ANK1: variants seen among roughly 807,000 people sequenced by gnomAD.
The protein encoded by ANK1 is ankyrin 1, also known as ankyrin-1.
A neutral mutation model predicts 210.4 loss-of-function variants in ANK1; 51 were observed. The observed-to-expected ratio is 0.24, with a 90% CI of 0.19 to 0.31. The LOEUF (loss-of-function observed/expected upper bound fraction) is 0.31, where lower values mean the gene tolerates loss of function less well. ANK1 is among the 10% of genes least tolerant of loss of function. The pLI is 1.00. For missense variants in ANK1, 2,051 were observed against 2,504.4 expected (o/e 0.82, Z 3.86); for synonymous variants, 967 against 1,025.9 (o/e 0.94, Z 1.10).
chr8:41,679,712 A>G (rs1181258983), intron 37 of ANK1, among the ~76,000 whole-genome samples: 3 of 149,704 alleles, frequency 2.0e-5, no homozygotes, highest in Non-Finnish European at 4.5e-5. Flanking sequence ...ACAGGCGCCC[A>G]CCATCACGCC....
At chr8:41,835,302 A>G (rs1190110419) in intron 1 of ANK1, among the ~76,000 whole-genome samples, 1 of 152,104 alleles carries the variant, frequency 6.6e-6, no homozygotes. Flanking sequence ...AAATACAAAA[A>G]TTAGCCAGGC....
chr8:41,766,492 G>C (rs1841813639), intron 1 of ANK1, among the ~76,000 whole-genome samples: 2 of 152,318 alleles, frequency 1.3e-5, no homozygotes, highest in South Asian at 2.1e-4. Context: ...TAAGTTAAAG[G>C]TGTCACTGAG....
Position 41,704,173 on chromosome 8 carries a change from C to T in ANK1, c.2197-34G>A, listed in dbSNP as rs1338196595. On this transcript the variant is annotated intron_variant, in intron 19 of 42. Transcript: ENST00000289734. The surrounding 1 kb of genome is among the most constrained non-coding windows in gnomAD (Gnocchi z 4.1). ...TGAGCAGACATTTAGGCAGGGTTAG[C>T]CAGCCACTAGACAGAGACCTGCCTA... 1.3e-6 allele frequency: 2 copies of T among 1,590,546 alleles called. No homozygotes were observed. Among genetic ancestry groups the T allele is most frequent in the South Asian group, 2.2e-5 (2 of 90,562 alleles).
rs752914730 is a variant in ANK1, at chr8:41,690,265, G to C, written c.4066C>G (p.Leu1356Val). ...AMKYEDTQHI[L>V]CHLNITMPPC... The stretch of plus-strand genomic sequence containing the variant: ...GGCATGGTGATGTTCAGGTGGCAGA[G>C]AATGTGCTGGGTGTCCTCGTACTTC... Residue 1356 changes from leucine to valine, a missense_variant, in exon 33 of 43, where the codon CTC becomes GTC. Physicochemically the swap from Leu to Val is conservative, Grantham distance 32. Around this residue, in one of 6 missense-constraint regions of ANK1, gnomAD observed 1,413 missense variants for 1,707.4 expected, o/e 0.83. Coordinates refer to ENST00000289734, the MANE Select transcript of ANK1 (RefSeq NM_000037.4). 6.2e-7 allele frequency: 1 copy of C among 1,614,246 alleles called. No homozygotes were observed. Among genetic ancestry groups the C allele is most frequent in the Non-Finnish European group, 8.5e-7 (1 of 1,180,054 alleles).
Position 41,707,830 on chromosome 8 carries a change from C to T in ANK1, c.1998+948G>A, listed in dbSNP as rs536664919. Among the ~76,000 whole-genome samples the T allele has an allele frequency of 9.2e-5, 14 of 152,264 alleles. No individual in the cohort carries two copies. The South Asian group carries it at 2.3e-3, about 25-fold the overall frequency. On this transcript the variant is annotated intron_variant, in intron 17 of 42. Coordinates refer to ENST00000289734, the MANE Select transcript of ANK1 (RefSeq NM_000037.4). ...TGTACAAAATGTGCCAGATTTTGTA[C>T]AAAATCTATAGGTTTTTAAGAAATC...
chr8:41,664,169 C>T (rs1563340564), intron 39 of ANK1: 2 of 457,938 alleles, frequency 4.4e-6, no homozygotes, highest in East Asian at 6.9e-5. Context: ...CAGTTGGTGA[C>T]AGAAACAGGA....
chr8:41,871,073 G>A (rs774128740), intron 1 of ANK1, among the ~76,000 whole-genome samples: 3 of 152,122 alleles, frequency 2.0e-5, no homozygotes, highest in African/African-American at 4.8e-5. Context: ...TGCCCCTCAC[G>A]GGCCACACCT....
At position 41,704,590 on chromosome 8, in the gene ANK1, A is replaced by T; in HGVS notation, c.2098-118T>A. Reference sequence around the variant, plus strand: ...GACAGGGAGCCCCTTGAAGGCTGACATTGACAAGCTGAATGGCTGCTGCTG... The same window carrying T: ...GACAGGGAGCCCCTTGAAGGCTGACTTTGACAAGCTGAATGGCTGCTGCTG... On this transcript the variant is annotated intron_variant, in intron 18 of 42. Transcript: ENST00000289734. This position sits in a 1 kb window ranked among gnomAD's most constrained non-coding sequence, Gnocchi z 4.1. 1 of 875,554 alleles carries T rather than the reference A, an allele frequency of 1.1e-6. No individual in the cohort carries two copies. 54.2% of individuals were successfully genotyped at this position (875,554 alleles called of 1,614,324 possible). A position where few individuals can be genotyped will look rare whatever the true frequency, so the allele number is the denominator to read the frequency against.
intron 18 of ANK1, among the ~76,000 whole-genome samples, chr8:41,705,361 C>G (rs1043443966): frequency 6.6e-6 from 1 of 152,200 alleles, no homozygotes; most frequent in Non-Finnish European, 1.5e-5. Context: ...GCAAGTGAAG[C>G]CTCAAAGATC....
intron 1 of ANK1, among the ~76,000 whole-genome samples, chr8:41,786,986 A>C (rs1846543278): frequency 6.6e-6 from 1 of 152,196 alleles, no homozygotes; most frequent in African/African-American, 2.4e-5. Flanking sequence ...TTTCCCACAC[A>C]CTGAAGTCAG....
chr8:41,856,900 G>C (rs1402356967), intron 1 of ANK1, among the ~76,000 whole-genome samples: 2 of 24,454 alleles, frequency 8.2e-5, no homozygotes, highest in Middle Eastern at 0.014. Context: ...TTTTTTTTTT[G>C]AGACAGGGAA....
intron 33 of ANK1, 25 bp from the exon 34 acceptor site, chr8:41,688,614 G>A (rs543245324): frequency 1.2e-6 from 2 of 1,609,488 alleles, no homozygotes; most frequent in Non-Finnish European, 1.7e-6. Context: ...AGGGTGCTTT[G>A]GGTTTTGGAC....
intron 42 of ANK1, among the ~76,000 whole-genome samples, chr8:41,659,750 G>A (rs946958790): frequency 7.3e-6 from 1 of 136,966 alleles, no homozygotes; most frequent in Non-Finnish European, 1.5e-5. Context: ...CACTGACAGA[G>A]GGCCAAGTGC....
At chr8:41,751,116 G>A (rs894167867) in intron 2 of ANK1, among the ~76,000 whole-genome samples, 10 of 152,162 alleles carry the variant, frequency 6.6e-5, no homozygotes, top group African/African-American at 2.4e-4. Context: ...TGTATAGTCA[G>A]TTACTTCATC....
chr8:41,777,995 C>T (rs1844463707), intron 1 of ANK1, among the ~76,000 whole-genome samples: 1 of 152,224 alleles, frequency 6.6e-6, no homozygotes, highest in Non-Finnish European at 1.5e-5. Context: ...CCACACCCGC[C>T]TCTACTGCCT....
intron 9 of ANK1, among the ~76,000 whole-genome samples, chr8:41,721,656 CAAA>C (rs55653901): frequency 9.2e-6 from 1 of 108,128 alleles, no homozygotes; most frequent in East Asian, 4.3e-4. Flanking sequence ...GACTTCATCT[CAAA>C]AAAAAAAAAA....
chr8:41,723,790 T>A (rs1344955445), intron 7 of ANK1, among the ~76,000 whole-genome samples, 157 bp from the exon 8 acceptor site: 4 of 150,728 alleles, frequency 2.7e-5, no homozygotes, highest in Non-Finnish European at 4.4e-5. Context: ...TTTTTATTTT[T>A]TATTTTTTTT....
chr8:41,662,943 T>C (rs2150546420), intron 40 of ANK1, among the ~76,000 whole-genome samples: 1 of 152,186 alleles, frequency 6.6e-6, no homozygotes, highest in South Asian at 2.1e-4. Flanking sequence ...TGTGATGGGG[T>C]CTCACTCTGT....
At chr8:41,752,806 C>CCCCG (rs1554597051) in intron 2 of ANK1, among the ~76,000 whole-genome samples, 3 of 151,658 alleles carry the variant, frequency 2.0e-5, no homozygotes, top group Non-Finnish European at 4.4e-5. Context: ...AGGCCCCCCC[C>CCCCG]CACTGCACCG....
Sources: gnomAD v4.1 joint callset for allele counts (sites outside exome capture counted in the v4.1 genomes callset) on GRCh38, gnomAD v4.1.1 for gene constraint, gnomAD v4.1.1 regional missense constraint, Gnocchi (gnomAD v3.1) non-coding constraint, MANE v1.5 for transcripts, NCBI Gene and HGNC (gene_info 2026-07-23, HGNC 2026-07-21) for gene names.